Variants in C9orf50 observed in about 807,000 individuals in gnomAD.
The protein encoded by C9orf50 is chromosome 9 open reading frame 50, also known as uncharacterized protein C9orf50.
A neutral mutation model predicts 42.5 loss-of-function variants in C9orf50; 33 were observed. That is an observed-to-expected ratio of 0.78 (90% CI 0.59 to 1.04). The LOEUF (loss-of-function observed/expected upper bound fraction) is 1.04, where lower values mean the gene tolerates loss of function less well. C9orf50 is among the 50% of genes least tolerant of loss of function. C9orf50 has a pLI of 0.00. For missense variants in C9orf50, 547 were observed against 594.3 expected (o/e 0.92, Z 0.83); for synonymous variants, 257 against 273.4 (o/e 0.94, Z 0.59).
chr9:129,618,833 C>T (rs1489702866), intron 3 of C9orf50, among the ~76,000 whole-genome samples: 2 of 151,668 alleles, frequency 1.3e-5, no homozygotes, highest in African/African-American at 2.4e-5. Flanking sequence ...GCTGGGACTA[C>T]AGGCGCCCGC....
chr9:129,613,466 C>T lies in C9orf50; in HGVS notation c.1012G>A (p.Ala338Thr). The T allele has an allele frequency of 6.2e-7, 1 of 1,614,090 alleles. No homozygotes were observed. Among genetic ancestry groups the T allele is most frequent in the Non-Finnish European group, 8.5e-7 (1 of 1,180,026 alleles). The change falls in exon 5 of 7, where the codon GCC becomes ACC. Residue 338 changes from alanine to threonine, a missense_variant. By Grantham distance (58) the Ala-to-Thr change is moderately conservative (BLOSUM62 0). This residue lies in a region of C9orf50 where 334 missense variants were observed against 323.7 expected (regional missense o/e 1.03). Transcript: ENST00000372478. This position sits in a 1 kb window ranked among gnomAD's most constrained non-coding sequence, Gnocchi z 6.2. Reference sequence around the variant, plus strand: ...GCGCAGTCCCAACACGAGGAGCTGGCCAGGGTCTCCTCCTTGGCCCCAGGG... The same window carrying T: ...GCGCAGTCCCAACACGAGGAGCTGGTCAGGGTCTCCTCCTTGGCCCCAGGG...
Position 129,619,878 on chromosome 9 carries a change from T to C in C9orf50, c.509-48A>G, listed in dbSNP as rs751900677. On this transcript the variant is annotated intron_variant, in intron 1 of 6. Transcript: ENST00000372478. ...GTGAGCCTTGGCTGGGGGACGGTCC[T>C]TTCTAGTCATGTGGCCTCGGGGTGA... 4.1e-5 allele frequency: 65 copies of C among 1,594,332 alleles called. 9 individuals are homozygous for C. In the South Asian group the frequency reaches 6.7e-4, roughly 17 times the overall value.
rs1830609209 is a variant in C9orf50, at chr9:129,620,137, G to A, written c.438C>T (p.Leu146=). ...GGAACTCACGGAACCTGCTGGGGAG[G>A]AGCTCTCCTAGGAAGGCGCCCAAGA... is the stretch of plus-strand genomic sequence containing the variant. Residue 146 remains leucine, a synonymous_variant, in exon 1 of 7, where the codon CTC becomes CTT. Transcript: ENST00000372478. This position sits in a 1 kb window ranked among gnomAD's most constrained non-coding sequence, Gnocchi z 5.8. 1 of 1,458,462 alleles carries A rather than the reference G, an allele frequency of 6.9e-7. No homozygotes were observed. The highest frequency in any genetic ancestry group is 9.1e-7 in the Non-Finnish European group (1 of 1,103,730). The allele number at this position is 1,458,462 out of a possible 1,614,324, so 90.3% of individuals were successfully genotyped here.
chr9:129,620,491 G>T lies in C9orf50; in HGVS notation c.84C>A (p.Ser28Arg). Residue 28 changes from serine (S) to arginine (R), a missense_variant, in exon 1 of 7, where the codon AGC becomes AGA. By Grantham distance (110) the Ser-to-Arg change is moderately radical. Around this residue, in one of 3 missense-constraint regions of C9orf50, gnomAD observed 105 missense variants for 98.5 expected, o/e 1.07. Coordinates refer to ENST00000372478, the Ensembl canonical transcript of C9orf50. This position sits in a 1 kb window ranked among gnomAD's most constrained non-coding sequence, Gnocchi z 5.8. ...GGGTCAGCTTGGGCAGCCGCGGGTC[G>T]CTGCTGCGTCGGAAGTCTCCGTCGC... The T allele has an allele frequency of 7.1e-7, 1 of 1,403,638 alleles. No individual in the cohort carries two copies. The allele number at this position is 1,403,638 out of a possible 1,614,324, so 86.9% of individuals were successfully genotyped here.
chr9:129,617,499 G>A (rs1396419549), intron 3 of C9orf50, among the ~76,000 whole-genome samples: 1 of 152,220 alleles, frequency 6.6e-6, no homozygotes, highest in Non-Finnish European at 1.5e-5. Context: ...CTCACACACA[G>A]TAAGGTGCTC....
chr9:129,613,515 C>T lies in C9orf50; in HGVS notation c.963G>A (p.Leu321=). Residue 321 remains leucine (L), a synonymous_variant, in exon 5 of 7, where the codon CTG becomes CTA. Coordinates refer to ENST00000372478, the Ensembl canonical transcript of C9orf50. The surrounding 1 kb of genome is among the most constrained non-coding windows in gnomAD (Gnocchi z 6.2). Reference sequence around the variant, plus strand: ...GGTACAGGGCTTTGGGCAAACTCTCCAGCCGTTTTCCGACACTCCCAAACA... The same window carrying T: ...GGTACAGGGCTTTGGGCAAACTCTCTAGCCGTTTTCCGACACTCCCAAACA... 1 of 1,614,210 alleles carries T rather than the reference C, an allele frequency of 6.2e-7. No homozygotes were observed. Among genetic ancestry groups the T allele is most frequent in the South Asian group, 1.1e-5 (1 of 91,086 alleles).
At chr9:129,619,568 G>A in exon 3 of C9orf50, 1 of 1,614,012 alleles carries the variant, frequency 6.2e-7, no homozygotes, top group Non-Finnish European at 8.5e-7. Context: ...ACCCTTCAGG[G>A]GCCCCAGAAT....
chr9:129,612,348 C>T (rs1381723922), exon 7 of C9orf50: 1 of 1,613,216 alleles, frequency 6.2e-7, no homozygotes. Flanking sequence ...CGCGAGTGTT[C>T]ACCTCTTATC....
At chr9:129,616,520 C>T (rs1830397346) in intron 3 of C9orf50, among the ~76,000 whole-genome samples, 1 of 152,166 alleles carries the variant, frequency 6.6e-6, no homozygotes, top group African/African-American at 2.4e-5. Flanking sequence ...GCCCGCCTGC[C>T]TGAGCTGTTC....
At chr9:129,620,871 A>G, upstream of C9orf50, 1 of 327,918 alleles carries the variant, frequency 3.0e-6, no homozygotes, top group Non-Finnish European at 5.5e-6. This position sits in a 1 kb window ranked among gnomAD's most constrained non-coding sequence, Gnocchi z 5.8. Context: ...GTACAGTGCC[A>G]GGCACGCTGG....
intron 3 of C9orf50, among the ~76,000 whole-genome samples, chr9:129,617,003 G>C (rs1830422101): frequency 1.3e-5 from 2 of 152,068 alleles, no homozygotes; most frequent in African/African-American, 2.4e-5. Context: ...GGAGGTAGAG[G>C]TTGCAGTGAG....
chr9:129,616,557 G>GC (rs1158925390), intron 3 of C9orf50, among the ~76,000 whole-genome samples: 1 of 152,050 alleles, frequency 6.6e-6, no homozygotes, highest in Non-Finnish European at 1.5e-5. Context: ...TCTCAATCAT[G>GC]CCCCATCCCA....
Position 129,613,592 on chromosome 9 carries a change from G to T in C9orf50, c.886C>A (p.Gln296Lys). Residue 296 changes from glutamine to lysine, a missense_variant, in exon 5 of 7, where the codon CAG becomes AAG. Around this residue, in one of 3 missense-constraint regions of C9orf50, gnomAD observed 334 missense variants for 323.7 expected, o/e 1.03. Coordinates refer to ENST00000372478, the Ensembl canonical transcript of C9orf50. The surrounding 1 kb of genome is among the most constrained non-coding windows in gnomAD (Gnocchi z 6.2). ...GCCTTCTGGTTCACAATGACGCTCT[G>T]TTGGACTGCAGGAAAGAGGGCAGGG... 6.2e-7 allele frequency: 1 copy of T among 1,614,142 alleles called. No homozygotes were observed. The highest frequency in any genetic ancestry group is 8.5e-7 in the Non-Finnish European group (1 of 1,180,018).
rs779768131 is a variant in C9orf50 at position 129,613,422 on chromosome 9, C to T, written c.1043+13G>A. ...AATGTCCACGAGTCCCATCCGCTTC[C>T]CTGGAGCCTCACAGGCCAGCGCAGT... On this transcript the variant is annotated intron_variant, in intron 5 of 6. Coordinates refer to ENST00000372478, the Ensembl canonical transcript of C9orf50. This position sits in a 1 kb window ranked among gnomAD's most constrained non-coding sequence, Gnocchi z 6.2. The T allele has an allele frequency of 3.1e-6, 5 of 1,612,440 alleles. No homozygotes were observed. The East Asian group carries it at 6.7e-5, about 22-fold the overall frequency.
chr9:129,613,213 G>T lies in C9orf50; in HGVS notation c.1082C>A (p.Thr361Asn), dbSNP rs774385054. The stretch of plus-strand genomic sequence containing the variant: ...GAAGGGCAGGCTGCTGTTCATGGAG[G>T]TGTCCTCAGAAAGGTAGCCCTGTGT... The change falls in exon 6 of 7, where the codon ACC becomes AAC. Residue 361 changes from threonine (T) to asparagine (N), a missense_variant. Physicochemically the swap from Thr to Asn is moderately conservative, Grantham distance 65. Transcript: ENST00000372478. This position sits in a 1 kb window ranked among gnomAD's most constrained non-coding sequence, Gnocchi z 6.2. 2 of 1,613,246 alleles carry T rather than the reference G, an allele frequency of 1.2e-6. No individual in the cohort carries two copies. Among genetic ancestry groups the T allele is most frequent in the East Asian group, 4.5e-5 (2 of 44,862 alleles).
At chr9:129,621,370 T>C (rs1012950506), upstream of C9orf50, among the ~76,000 whole-genome samples, 7 of 152,180 alleles carry the variant, frequency 4.6e-5, no homozygotes, top group East Asian at 3.9e-4. Flanking sequence ...AGAGATGGGG[T>C]CTTGCTAAGA....
chr9:129,612,476 G>T, intron 6 of C9orf50, 22 bp from the exon 7 acceptor site: 4 of 1,595,216 alleles, frequency 2.5e-6, no homozygotes, highest in Non-Finnish European at 2.6e-6. Flanking sequence ...CAGAGGACCA[G>T]CTGGCTGCTA....
rs1237019773 is a variant in C9orf50, at chr9:129,620,429, G to T, written c.146C>A (p.Ser49Tyr). The T allele has an allele frequency of 7.9e-7, 1 of 1,264,704 alleles. No individual in the cohort carries two copies. Among genetic ancestry groups the T allele is most frequent in the Non-Finnish European group, 1.0e-6 (1 of 1,004,980 alleles). 78.3% of individuals were successfully genotyped at this position (1,264,704 alleles called of 1,614,324 possible). A position where few individuals can be genotyped will look rare whatever the true frequency, so the allele number is the denominator to read the frequency against. The change falls in exon 1 of 7, where the codon TCC (serine) becomes TAC (tyrosine). Residue 49 changes from serine (S) to tyrosine (Y), a missense_variant. Ser to Tyr is a moderately radical substitution (Grantham distance 144, BLOSUM62 -2). Transcript: ENST00000372478. This position sits in a 1 kb window ranked among gnomAD's most constrained non-coding sequence, Gnocchi z 5.8. ...GCCCCCCGGGATCCTCCAGTCCCCG[G>T]AGCCCCGCGCGCCCAGAGCCGCTCG...
At chr9:129,618,689 T>A (rs1830510453) in intron 3 of C9orf50, among the ~76,000 whole-genome samples, 1 of 151,786 alleles carries the variant, frequency 6.6e-6, no homozygotes, top group African/African-American at 2.4e-5. Flanking sequence ...TTATTTTATT[T>A]TATTTTATTT....
Sources: allele counts gnomAD v4.1 joint callset (sites outside exome capture counted in the v4.1 genomes callset), GRCh38; gene constraint gnomAD v4.1.1; regional missense constraint gnomAD v4.1.1; non-coding constraint Gnocchi (gnomAD v3.1); transcripts MANE v1.5; gene names NCBI Gene and HGNC (gene_info 2026-07-23, HGNC 2026-07-21).